Variants in C2CD3 observed in about 807,000 individuals in gnomAD.
C2CD3 encodes C2 domain-containing protein 3.
C2CD3 carries 148 observed loss-of-function variants against 234.0 expected under a neutral mutation model. The ratio of observed to expected loss-of-function variants is 0.63; its 90% CI spans 0.55 to 0.72. The LOEUF (loss-of-function observed/expected upper bound fraction) is 0.72, where lower values mean the gene tolerates loss of function less well. C2CD3 is among the 30% of genes least tolerant of loss of function. The pLI is 0.00. For missense variants in C2CD3, 2,577 were observed against 2,811.5 expected (o/e 0.92, Z 1.89); for synonymous variants, 1,000 against 1,035.4 (o/e 0.97, Z 0.66).
At position 74,048,245 on chromosome 11, in the gene C2CD3, G is replaced by T. The variant is rs756127834; in HGVS notation, c.5455C>A (p.His1819Asn). 22 of 1,613,516 alleles carry T rather than the reference G, an allele frequency of 1.4e-5. No individual in the cohort carries two copies. The highest frequency in any genetic ancestry group is 1.9e-5 in the Non-Finnish European group (22 of 1,179,772). Residue 1819 changes from histidine to asparagine, a missense_variant, in exon 28 of 33, where the codon CAT (histidine) becomes AAT (asparagine). Transcript: ENST00000334126. ...MARQTLDQLA[H>N]ASSKELDFSS... ...AAATCAAGCTCCTTTGAGGAGGCATGAGCAAGTTGGTCTAGGGTCTGCCTT... is the reference window on the plus strand; with the variant it reads ...AAATCAAGCTCCTTTGAGGAGGCATTAGCAAGTTGGTCTAGGGTCTGCCTT...
At chr11:74,041,000 T>A (rs1953021235) in intron 29 of C2CD3, among the ~76,000 whole-genome samples, 1 of 151,724 alleles carries the variant, frequency 6.6e-6, no homozygotes, top group Non-Finnish European at 1.5e-5. Flanking sequence ...TAACAGATTT[T>A]ACTCATGTCA....
chr11:74,033,852 T>C lies in C2CD3; in HGVS notation c.6308A>G (p.Asp2103Gly). Residue 2103 changes from aspartate to glycine, a missense_variant, in exon 31 of 33, where the codon GAC (aspartate) becomes GGC (glycine). Physicochemically the swap from Asp to Gly is moderately conservative, Grantham distance 94 (BLOSUM62 -1). Transcript: ENST00000334126. ...DTSEVISPQPDEVQREGPSCP... is the reference protein window; with the variant it reads ...DTSEVISPQPGEVQREGPSCP... Reference sequence around the variant, plus strand: ...AGAGGGGCCTTCCCTCTGCACCTCGTCAGGCTGAGGGCTGATGACCTCACT... The same window carrying C: ...AGAGGGGCCTTCCCTCTGCACCTCGCCAGGCTGAGGGCTGATGACCTCACT... The C allele has an allele frequency of 6.5e-7, 1 of 1,536,220 alleles. No homozygotes were observed. Among genetic ancestry groups the C allele is most frequent in the Non-Finnish European group, 8.7e-7 (1 of 1,146,914 alleles).
intron 29 of C2CD3, among the ~76,000 whole-genome samples, chr11:74,040,653 G>A (rs1320492498): frequency 6.6e-6 from 1 of 152,044 alleles, no homozygotes; most frequent in African/African-American, 2.4e-5. Context: ...CTACTTGGGA[G>A]TTTGAGGCAG....
rs761500457 is a variant in C2CD3, at chr11:74,168,477, T to C, written c.192A>G (p.Arg64=). 1.2e-6 allele frequency: 2 copies of C among 1,614,206 alleles called. No individual in the cohort carries two copies. Among genetic ancestry groups the C allele is most frequent in the South Asian group, 1.1e-5 (1 of 91,086 alleles). Residue 64 remains arginine (R), a synonymous_variant, in exon 2 of 33, where the codon AGA becomes AGG. Coordinates refer to ENST00000334126, the MANE Select transcript of C2CD3 (RefSeq NM_001286577.2). The stretch of plus-strand genomic sequence containing the variant: ...TTCCATCTGATGTTTCTCCCCACCA[T>C]CTCACTCGGACAAGTACACAAGTGG... ...KPPTCVLVRV[R]WWGETSDGTL...
chr11:74,125,074 A>G (rs1957364328), intron 7 of C2CD3, among the ~76,000 whole-genome samples: 1 of 152,246 alleles, frequency 6.6e-6, no homozygotes. Flanking sequence ...TACAAGGCTT[A>G]TAATAAAAAA....
At chr11:74,169,094 A>G (rs1856986589) in intron 1 of C2CD3, among the ~76,000 whole-genome samples, 4 of 152,092 alleles carry the variant, frequency 2.6e-5, no homozygotes, top group Admixed American at 2.6e-4. Flanking sequence ...AACAGCAACA[A>G]CTCCCTTCAC....
chr11:74,103,393 G>C lies in C2CD3; in HGVS notation c.2318C>G (p.Pro773Arg), dbSNP rs34050666. Residue 773 changes from proline (P) to arginine (R), a missense_variant, in exon 14 of 33, where the codon CCT becomes CGT. By Grantham distance (103) the Pro-to-Arg change is moderately radical. Transcript: ENST00000334126. Reference protein sequence around the residue: ...LVLPNRKSPSPVAPHPSTFVA... With the variant: ...LVLPNRKSPSRVAPHPSTFVA... The stretch of plus-strand genomic sequence containing the variant: ...GAAGGTTGAAGGATGTGGTGCTACA[G>C]GGCTTGGTGACTTTCGGTTGGGGAG... The C allele has an allele frequency of 0.016, 25,352 of 1,614,178 alleles. 426 individuals carry two copies. Among genetic ancestry groups the C allele is most frequent in the East Asian group, 0.093 (4,165 of 44,878 alleles).
intron 24 of C2CD3, among the ~76,000 whole-genome samples, chr11:74,065,130 T>C (rs1954450758): frequency 6.6e-6 from 1 of 152,150 alleles, no homozygotes; most frequent in African/African-American, 2.4e-5. Context: ...ACAGGCAACC[T>C]ACAGAATGGG....
rs569759599 is a variant in C2CD3 at position 74,028,590 on chromosome 11, T to A, written c.6810-192A>T. Among the ~76,000 whole-genome samples the A allele has an allele frequency of 3.9e-5, 6 of 152,310 alleles. No individual in the cohort carries two copies. In the East Asian group the frequency reaches 1.2e-3, roughly 29 times the overall value. On this transcript the variant is annotated intron_variant, in intron 31 of 32. Transcript: ENST00000334126. ...CCACTCCTAACACATATAAGTTTTT[T>A]ATGGATCAGTTCAAATCCGGCCTCC...
intron 4 of C2CD3, 151 bp downstream of exon 4, chr11:74,139,454 G>A: frequency 4.3e-6 from 3 of 704,082 alleles, no homozygotes; most frequent in African/African-American, 1.8e-5. Flanking sequence ...TATCAAACCA[G>A]GACCAGAGTG....
chr11:74,089,332 G>A (rs893375722), intron 20 of C2CD3, among the ~76,000 whole-genome samples: 4 of 151,900 alleles, frequency 2.6e-5, no homozygotes, highest in African/African-American at 4.8e-5. Context: ...ACAAACAAAC[G>A]AAACACACCA....
At chr11:74,118,904 T>TC (rs1349274510) in intron 8 of C2CD3, among the ~76,000 whole-genome samples, 2 of 136,802 alleles carry the variant, frequency 1.5e-5, no homozygotes, top group Non-Finnish European at 3.1e-5. Flanking sequence ...CTGGATAGAC[T>TC]ATTTTTTTTT....
chr11:74,092,315 A>G (rs1955926081), intron 19 of C2CD3, 101 bp downstream of exon 19: 1 of 1,111,414 alleles, frequency 9.0e-7, no homozygotes, highest in Non-Finnish European at 1.3e-6. Context: ...TTGGCTTCCC[A>G]AAGTGCTGGG....
chr11:74,049,580 G>T, intron 26 of C2CD3, 38 bp from the exon 27 acceptor site: 1 of 1,502,566 alleles, frequency 6.7e-7, no homozygotes, highest in Non-Finnish European at 9.2e-7. Context: ...ATGTGGCTAG[G>T]CATGTCCTGC....
chr11:74,073,042 C>T (rs1054937747), intron 24 of C2CD3, among the ~76,000 whole-genome samples: 8 of 151,920 alleles, frequency 5.3e-5, no homozygotes, highest in Admixed American at 2.0e-4. Flanking sequence ...AGAAGGGTGA[C>T]GGCAAAGGGG....
At chr11:74,150,483 AC>A (rs1855527435) in intron 3 of C2CD3, among the ~76,000 whole-genome samples, 1 of 111,320 alleles carries the variant, frequency 9.0e-6, no homozygotes, top group African/African-American at 3.4e-5. Flanking sequence ...ACAGAGCAAG[AC>A]CCTGTCTCAA....
At chr11:74,030,732 G>T (rs558262438) in intron 31 of C2CD3, among the ~76,000 whole-genome samples, 1 of 152,188 alleles carries the variant, frequency 6.6e-6, no homozygotes, top group East Asian at 1.9e-4. Context: ...GCTGAGCTCA[G>T]CCCTCAACTT....
chr11:74,115,882 C>G (rs888537794), intron 9 of C2CD3, among the ~76,000 whole-genome samples: 1 of 152,110 alleles, frequency 6.6e-6, no homozygotes, highest in Non-Finnish European at 1.5e-5. Context: ...TGAAAGGACA[C>G]CCTATTCAAC....
chr11:74,067,519 G>A (rs1244182100), intron 24 of C2CD3, among the ~76,000 whole-genome samples: 1 of 147,208 alleles, frequency 6.8e-6, no homozygotes, highest in East Asian at 1.9e-4. Flanking sequence ...CTAGTCAAGG[G>A]AAGCAGTAGG....
Sources: gnomAD v4.1 joint callset for allele counts (sites outside exome capture counted in the v4.1 genomes callset) on GRCh38, gnomAD v4.1.1 for gene constraint, MANE v1.5 for transcripts, NCBI Gene and HGNC (gene_info 2026-07-23, HGNC 2026-07-21) for gene names.